Variants in OAS3 observed in about 807,000 individuals in gnomAD.
The protein encoded by OAS3 is 2'-5'-oligoadenylate synthase 3.
In OAS3, 107 loss-of-function variants were observed where a neutral mutation model predicts 113.0. That is an observed-to-expected ratio of 0.95 (90% CI 0.81 to 1.11). The LOEUF (loss-of-function observed/expected upper bound fraction) is 1.11, where lower values mean the gene tolerates loss of function less well. Ranked by LOEUF, OAS3 falls within the 50% of genes most tolerant of loss-of-function variation. The probability of loss-of-function intolerance (pLI) is 0.00; values close to 1 mark genes in which losing one functional copy is unlikely to be tolerated. For missense variants in OAS3, 1,258 were observed against 1,389.1 expected (o/e 0.91, Z 1.50); for synonymous variants, 552 against 573.6 (o/e 0.96, Z 0.54).
chr12:112,950,735 G>A lies in OAS3; in HGVS notation c.1417G>A (p.Asp473Asn). The change falls in exon 7 of 16, where the codon GAT becomes AAT. Residue 473 changes from aspartate (D) to asparagine (N), a missense_variant. Transcript: ENST00000228928. ...GGGCACAGACCTAAGGGATGGCTGT[G>A]ATGTTGAACTCATCATCTTCCTCAA... ...GRGTDLRDGC[D>N]VELIIFLNCF... is the part of the protein sequence containing the mutation. The A allele has an allele frequency of 3.1e-6, 5 of 1,614,030 alleles. No individual in the cohort carries two copies. Among genetic ancestry groups the A allele is most frequent in the Non-Finnish European group, 4.2e-6 (5 of 1,179,890 alleles).
In OAS3 at chr12:112,972,160, A is replaced by G. The variant is rs75755877; in HGVS notation, c.*2187A>G. 0.011 allele frequency: 1,699 copies of G among 152,390 alleles called. 32 individuals carry two copies. Among genetic ancestry groups the G allele is most frequent in the African/African-American group, 0.039 (1,630 of 41,572 alleles). The allele number at this position is 152,390 out of a possible 1,614,324, so 9.4% of individuals were successfully genotyped here. ...TGGGTACCTTCCATTCCCACCACACAGACTCTGGGCCTCCCCGCAAAATGG... is the reference window on the plus strand; with the variant it reads ...TGGGTACCTTCCATTCCCACCACACGGACTCTGGGCCTCCCCGCAAAATGG... On this transcript the variant is annotated 3_prime_UTR_variant, in exon 16 of 16. Transcript: ENST00000228928.
In OAS3 at chr12:112,949,178, T is replaced by A; in HGVS notation, c.1347T>A (p.Cys449Ter). ...TCTTGCGCTGCCTCCATGAGAACTG[T>A]GTTCACAAGGCCTCAAGAGTCAGTA... is the stretch of plus-strand genomic sequence containing the variant. ...DIILRCLHEN[C>*]VHKASRVSKG... is the part of the protein sequence containing the mutation. The change falls in exon 6 of 16, where the codon TGT becomes TGA. Residue 449 changes from cysteine to a stop codon, truncating the protein, a stop_gained. Transcript: ENST00000228928. LOFTEE classifies it high-confidence loss of function. 6.2e-7 allele frequency: 1 copy of A among 1,612,654 alleles called. No individual in the cohort carries two copies. The highest frequency in any genetic ancestry group is 8.5e-7 in the Non-Finnish European group (1 of 1,179,826).
chr12:112,949,427 C>T lies in OAS3; in HGVS notation c.1374+222C>T, dbSNP rs181595649. Among the ~76,000 whole-genome samples, 156 of 152,162 alleles carry T rather than the reference C, an allele frequency of 1.0e-3. 4 individuals are homozygous for T. The highest frequency in any genetic ancestry group is 0.01 in the Admixed American group (155 of 15,280). ...CTATTACAAGAATCAGATCACTTCC[C>T]TCCTCAGCTCAAAATTCTCCATGGT... On this transcript the variant is annotated intron_variant, in intron 6 of 15. Transcript: ENST00000228928.
At chr12:112,968,702 A>T (rs2136363261) in intron 14 of OAS3, among the ~76,000 whole-genome samples, 1 of 152,152 alleles carries the variant, frequency 6.6e-6, no homozygotes, top group African/African-American at 2.4e-5. Context: ...TTTAGTTGAG[A>T]CAGGGGTTTC....
intron 8 of OAS3, 124 bp downstream of exon 8, chr12:112,961,370 G>T: frequency 1.1e-6 from 1 of 880,960 alleles, no homozygotes; most frequent in South Asian, 1.8e-5. Flanking sequence ...CAGAGCAGAA[G>T]GACCGGCCTC....
Position 112,970,062 on chromosome 12 carries a change from G to A in OAS3, c.*89G>A, listed in dbSNP as rs1593187876. ...AAATTCAGGGTCCCCTACCAGATGAGAGAGATTGTGTACATGTGTGTGTGA... is the reference window on the plus strand; with the variant it reads ...AAATTCAGGGTCCCCTACCAGATGAAAGAGATTGTGTACATGTGTGTGTGA... On this transcript the variant is annotated 3_prime_UTR_variant, in exon 16 of 16. Coordinates refer to ENST00000228928, the MANE Select transcript of OAS3 (RefSeq NM_006187.4). 6.9e-7 allele frequency: 1 copy of A among 1,449,882 alleles called. No homozygotes were observed. Among genetic ancestry groups the A allele is most frequent in the Non-Finnish European group, 9.5e-7 (1 of 1,048,782 alleles). The allele number at this position is 1,449,882 out of a possible 1,614,324, so 89.8% of individuals were successfully genotyped here. A position where few individuals can be genotyped will look rare whatever the true frequency, so the allele number is the denominator to read the frequency against.
At chr12:112,938,866 C>T (rs2043654234) in intron 1 of OAS3, among the ~76,000 whole-genome samples, 159 bp downstream of exon 1, 1 of 152,174 alleles carries the variant, frequency 6.6e-6, no homozygotes, top group South Asian at 2.1e-4. Flanking sequence ...TGCTAACTCC[C>T]CCGAACATAC....
intron 1 of OAS3, 91 bp from the exon 2 acceptor site, chr12:112,941,479 C>T: frequency 7.0e-7 from 1 of 1,418,718 alleles, no homozygotes; most frequent in South Asian, 1.3e-5. Flanking sequence ...AGTCTCTCCC[C>T]AGCACACTTG....
intron 7 of OAS3, among the ~76,000 whole-genome samples, chr12:112,959,875 T>C (rs1244402960): frequency 6.6e-6 from 1 of 152,186 alleles, no homozygotes; most frequent in African/African-American, 2.4e-5. Context: ...AGTTATTTGT[T>C]CATAGGCTTC....
chr12:112,973,065 G>A lies in OAS3; in HGVS notation c.*3092G>A, dbSNP rs1055443284. 9 of 152,070 alleles carry A rather than the reference G, an allele frequency of 5.9e-5. No homozygotes were observed. The highest frequency in any genetic ancestry group is 1.2e-4 in the Non-Finnish European group (8 of 68,018). The allele number at this position is 152,070 out of a possible 1,614,324, so 9.4% of individuals were successfully genotyped here. A position where few individuals can be genotyped will look rare whatever the true frequency, so the allele number is the denominator to read the frequency against. On this transcript the variant is annotated 3_prime_UTR_variant, in exon 16 of 16. Coordinates refer to ENST00000228928, the MANE Select transcript of OAS3 (RefSeq NM_006187.4). ...TATATCCAGCATATTCATAACTAGA[G>A]CCATATCACAGATGCATTCATCATA...
Position 112,950,965 on chromosome 12 carries a change from C to T in OAS3, c.1647C>T (p.Phe549=), listed in dbSNP as rs376350678. 2.7e-5 allele frequency: 44 copies of T among 1,612,696 alleles called. No homozygotes were observed. Among genetic ancestry groups the T allele is most frequent in the Middle Eastern group, 3.4e-4 (2 of 5,936 alleles). The change falls in exon 7 of 16, where the codon TTC becomes TTT. Residue 549 remains phenylalanine, a synonymous_variant. Transcript: ENST00000228928. ...CGGATGTTAGCCTGCTGCCTGCCTT[C>T]GATGCTGTGGGTGAGGGCGCCCAGC... The part of the protein sequence containing the change: ...SWTDVSLLPA[F]DAVGQLSSGT...
Position 112,963,531 on chromosome 12 carries a change from G to T in OAS3, c.2229+74G>T. The T allele has an allele frequency of 7.4e-7, 1 of 1,354,686 alleles. No individual in the cohort carries two copies. Among genetic ancestry groups the T allele is most frequent in the Non-Finnish European group, 9.7e-7 (1 of 1,035,340 alleles). The allele number at this position is 1,354,686 out of a possible 1,614,324, so 83.9% of individuals were successfully genotyped here. On this transcript the variant is annotated intron_variant, in intron 10 of 15. Coordinates refer to ENST00000228928, the MANE Select transcript of OAS3 (RefSeq NM_006187.4). This position sits in a 1 kb window ranked among gnomAD's most constrained non-coding sequence, Gnocchi z 4.6. The stretch of plus-strand genomic sequence containing the variant: ...AGTCAGGTTCCCTTAACCTGCCGGT[G>T]CACCCATCCCCAGCTGCTAGGAGTG...
rs138316821 is a variant in OAS3, at chr12:112,963,961, C to T, written c.2230-274C>T. 0.013 allele frequency among the ~76,000 whole-genome samples: 1,967 copies of T among 152,282 alleles called. 20 individuals carry two copies. The highest frequency in any genetic ancestry group is 0.018 in the Non-Finnish European group (1,199 of 68,022). ...ACTATTTTGCAGCAGGGTCTCATAA[C>T]CAGCATTTAATACTCAGGACAATCC... On this transcript the variant is annotated intron_variant, in intron 10 of 15. Coordinates refer to ENST00000228928, the MANE Select transcript of OAS3 (RefSeq NM_006187.4). The surrounding 1 kb of genome is among the most constrained non-coding windows in gnomAD (Gnocchi z 4.6).
chr12:112,946,623 T>G, intron 3 of OAS3, 120 bp from the exon 4 acceptor site: 1 of 835,638 alleles, frequency 1.2e-6, no homozygotes, highest in South Asian at 1.7e-5. Context: ...TGGAACAGGC[T>G]TGGAACACAG....
intron 6 of OAS3, among the ~76,000 whole-genome samples, chr12:112,950,091 T>C (rs2043774976): frequency 6.6e-6 from 1 of 152,220 alleles, no homozygotes. Context: ...GCACAGCACT[T>C]AGCATTTTCT....
In OAS3 at chr12:112,950,756, C is replaced by T. The variant is rs567030705; in HGVS notation, c.1438C>T (p.Leu480Phe). Residue 480 changes from leucine (L) to phenylalanine (F), a missense_variant, in exon 7 of 16, where the codon CTC becomes TTC. Leu to Phe is a conservative substitution (Grantham distance 22). Coordinates refer to ENST00000228928, the MANE Select transcript of OAS3 (RefSeq NM_006187.4). The part of the protein sequence containing the change: ...DGCDVELIIF[L>F]NCFTDYKDQG... Reference sequence around the variant, plus strand: ...CTGTGATGTTGAACTCATCATCTTCCTCAACTGCTTCACGGACTACAAGGA... The same window carrying T: ...CTGTGATGTTGAACTCATCATCTTCTTCAACTGCTTCACGGACTACAAGGA... 4 of 1,614,050 alleles carry T rather than the reference C, an allele frequency of 2.5e-6. No individual in the cohort carries two copies. The highest frequency in any genetic ancestry group is 1.1e-5 in the South Asian group (1 of 91,082).
chr12:112,955,025 G>A (rs2043821173), intron 7 of OAS3, among the ~76,000 whole-genome samples: 2 of 152,186 alleles, frequency 1.3e-5, no homozygotes. Context: ...TCTCCTTGAA[G>A]AAGTCCTTCA....
At chr12:112,960,006 G>A (rs920326249) in intron 7 of OAS3, among the ~76,000 whole-genome samples, 2 of 151,976 alleles carry the variant, frequency 1.3e-5, no homozygotes, top group Non-Finnish European at 2.9e-5. Context: ...CCTATTTGTT[G>A]TGTCACCTGA....
intron 2 of OAS3, chr12:112,942,249 A>T: frequency 2.4e-6 from 1 of 414,530 alleles, no homozygotes; most frequent in Non-Finnish European, 4.3e-6. Flanking sequence ...GAAAACATCA[A>T]TGTGATTTTT....
Sources: gnomAD v4.1 joint callset for allele counts (sites outside exome capture counted in the v4.1 genomes callset) on GRCh38, gnomAD v4.1.1 for gene constraint, Gnocchi (gnomAD v3.1) non-coding constraint, MANE v1.5 for transcripts, NCBI Gene and HGNC (gene_info 2026-07-23, HGNC 2026-07-21) for gene names.